The following TEX15 variants were observed in gnomAD, a reference collection of about 807,000 sequenced individuals.
TEX15 encodes the protein testis expressed 15, meiosis and synapsis associated, also known as testis-expressed protein 15.
TEX15 carries 171 observed loss-of-function variants against 237.3 expected under a neutral mutation model. That is an observed-to-expected ratio of 0.72 (90% CI 0.64 to 0.82). The LOEUF is 0.82. Among genes scored for constraint, TEX15 ranks in the 40% least tolerant of loss-of-function variants. TEX15 has a pLI of 0.00. For missense variants in TEX15, 3,750 were observed against 3,646.5 expected (o/e 1.03, Z -0.73); for synonymous variants, 1,338 against 1,269.8 (o/e 1.05, Z -1.14).
At chr8:30,876,512 T>A (rs2128773602) in intron 3 of TEX15, among the ~76,000 whole-genome samples, 1 of 152,314 alleles carries the variant, frequency 6.6e-6, no homozygotes, top group African/African-American at 2.4e-5. Flanking sequence ...TTTTCTATCT[T>A]TCCCAGAGTT....
intron 1 of TEX15, among the ~76,000 whole-genome samples, chr8:30,899,761 TC>T (rs373656534): frequency 1.7e-3 from 256 of 152,292 alleles, no homozygotes; most frequent in South Asian, 2.5e-3. Flanking sequence ...TGTATTTCTT[TC>T]TAGAGGCATT....
intron 1 of TEX15, among the ~76,000 whole-genome samples, chr8:30,901,654 T>G (rs1809008600): frequency 6.6e-6 from 1 of 152,122 alleles, no homozygotes; most frequent in African/African-American, 2.4e-5. Context: ...AAATTAAGCT[T>G]GAAATAAAAA....
chr8:30,869,538 A>T (rs1808246172), intron 4 of TEX15, among the ~76,000 whole-genome samples: 1 of 151,890 alleles, frequency 6.6e-6, no homozygotes, highest in African/African-American at 2.4e-5. Context: ...ACTCCCCCCA[A>T]ATTTGCACAT....
intron 1 of TEX15, among the ~76,000 whole-genome samples, chr8:30,902,531 A>G (rs534333338): frequency 2.4e-4 from 36 of 152,238 alleles, no homozygotes; most frequent in Non-Finnish European, 4.3e-4. Flanking sequence ...GTATCATTCA[A>G]TGTAGTACTA....
At chr8:30,858,519 C>T (rs1807963274) in intron 7 of TEX15, 149 bp downstream of exon 7, 2 of 589,246 alleles carry the variant, frequency 3.4e-6, no homozygotes, top group Admixed American at 3.8e-5. Context: ...GCTATGTTGG[C>T]CAGGTTGGCC....
Position 30,867,321 on chromosome 8 carries a change from C to T in TEX15, c.484G>A (p.Ala162Thr). Residue 162 changes from alanine (A) to threonine (T), a missense_variant, in exon 5 of 11, where the codon GCC (alanine) becomes ACC (threonine). Coordinates refer to ENST00000643185, the MANE Select transcript of TEX15 (RefSeq NM_001350162.2). Reference protein sequence around the residue: ...GIYMFRHVDIALNYSHSQSIT... With the variant: ...GIYMFRHVDITLNYSHSQSIT... Reference sequence around the variant, plus strand: ...CTTTGACTATGAGAATAATTCAAGGCAATATCAACATGTCTAAACATATAA... The same window carrying T: ...CTTTGACTATGAGAATAATTCAAGGTAATATCAACATGTCTAAACATATAA... 6.6e-7 allele frequency: 1 copy of T among 1,524,856 alleles called. No homozygotes were observed. The allele number at this position is 1,524,856 out of a possible 1,614,324, so 94.5% of individuals were successfully genotyped here.
rs777769994 is a variant in TEX15, at chr8:30,853,205, G to A, written c.851-3889C>T. Among the ~76,000 whole-genome samples the A allele has an allele frequency of 3.3e-5, 5 of 152,124 alleles. No individual in the cohort carries two copies. The South Asian group carries it at 6.2e-4, about 19-fold the overall frequency. On this transcript the variant is annotated intron_variant, in intron 7 of 10. Transcript: ENST00000643185. ...CTGTTGTCTCTAATATAAGCCTTCC[G>A]GCTGAGGGGAAATGTGGACAGAACA...
rs1012426887 is a variant in TEX15, at chr8:30,858,834, A to G, written c.688-4T>C. ...CACTGTATTCATAGAAGTACACCTG[A>G]AAGATGAAAACAGGTTCATGCTGAT... On this transcript the variant is annotated splice_polypyrimidine_tract_variant and splice_region_variant and intron_variant, in intron 6 of 10. Coordinates refer to ENST00000643185, the MANE Select transcript of TEX15 (RefSeq NM_001350162.2). 9.2e-6 allele frequency: 14 copies of G among 1,520,524 alleles called. No individual in the cohort carries two copies. Among genetic ancestry groups the G allele is most frequent in the African/African-American group, 1.4e-5 (1 of 71,974 alleles). The allele number at this position is 1,520,524 out of a possible 1,614,324, so 94.2% of individuals were successfully genotyped here. A position where few individuals can be genotyped will look rare whatever the true frequency, so the allele number is the denominator to read the frequency against.
rs1356726976 is a variant in TEX15, at chr8:30,837,502, T to C, written c.8782A>G (p.Ile2928Val). The change falls in exon 10 of 11, where the codon ATT (isoleucine) becomes GTT (valine). Residue 2928 changes from isoleucine to valine, a missense_variant. Transcript: ENST00000643185. ...GAAGTCATGCATGAGGAATTTTTAA[T>C]AGATGAATTTACTATATCATTATCT... ...LQDNDIVNSSIKNSSCMTSPE... is the reference protein window; with the variant it reads ...LQDNDIVNSSVKNSSCMTSPE... 3 of 1,613,072 alleles carry C rather than the reference T, an allele frequency of 1.9e-6. No homozygotes were observed. Among genetic ancestry groups the C allele is most frequent in the South Asian group, 1.1e-5 (1 of 91,070 alleles).
chr8:30,844,236 A>C lies in TEX15; in HGVS notation c.5931T>G (p.Pro1977=), dbSNP rs776506232. The part of the protein sequence containing the change: ...TCKVPTLLKK[P]ASYVSDFKEK... Reference sequence around the variant, plus strand: ...CTTTAAAATCACTCACGTATGACGCAGGTTTCTTCAGAAGAGTAGGGACTT... The same window carrying C: ...CTTTAAAATCACTCACGTATGACGCCGGTTTCTTCAGAAGAGTAGGGACTT... Residue 1977 remains proline (P), a synonymous_variant, in exon 8 of 11, where the codon CCT becomes CCG. Coordinates refer to ENST00000643185, the MANE Select transcript of TEX15 (RefSeq NM_001350162.2). The C allele has an allele frequency of 3.1e-6, 5 of 1,612,276 alleles. No individual in the cohort carries two copies. The highest frequency in any genetic ancestry group is 1.7e-5 in the Admixed American group (1 of 59,766).
chr8:30,863,708 C>T (rs1338343928), intron 5 of TEX15, among the ~76,000 whole-genome samples: 1 of 151,600 alleles, frequency 6.6e-6, no homozygotes, highest in East Asian at 1.9e-4. Flanking sequence ...ACTACAGATA[C>T]AGGAGAAATT....
chr8:30,839,793 GTT>G, intron 9 of TEX15, 111 bp downstream of exon 9: 2 of 597,254 alleles, frequency 3.3e-6, no homozygotes, highest in Middle Eastern at 3.1e-4. Flanking sequence ...CATCCCCTAA[GTT>G]ACATGTATGA....
At position 30,846,494 on chromosome 8, in the gene TEX15, T is replaced by C. The variant is rs937238587; in HGVS notation, c.3673A>G (p.Ile1225Val). The C allele has an allele frequency of 1.2e-6, 2 of 1,613,566 alleles. No homozygotes were observed. The highest frequency in any genetic ancestry group is 1.7e-6 in the Non-Finnish European group (2 of 1,179,742). Residue 1225 changes from isoleucine (I) to valine (V), a missense_variant, in exon 8 of 11, where the codon ATA (isoleucine) becomes GTA (valine). Ile to Val is a conservative substitution (Grantham distance 29). Transcript: ENST00000643185. ...DYPCEDKVDN[I>V]RQESGPVSNS... is the part of the protein sequence containing the mutation. ...CTCACTGGCCCTGATTCTTGCCTTATATTATCAACTTTATCTTCACATGGA... is the reference window on the plus strand; with the variant it reads ...CTCACTGGCCCTGATTCTTGCCTTACATTATCAACTTTATCTTCACATGGA...
In TEX15 at chr8:30,844,565, C is replaced by T; in HGVS notation, c.5602G>A (p.Val1868Ile). The stretch of plus-strand genomic sequence containing the variant: ...TTTTGATTTTTGTACTCAGTATTAA[C>T]AGTTGATCCTTCAGTCATGCTTCTT... ...YKRSMTEGST[V>I]NTEYKNQKNQ... The change falls in exon 8 of 11, where the codon GTT (valine) becomes ATT (isoleucine). Residue 1868 changes from valine to isoleucine, a missense_variant. Physicochemically the swap from Val to Ile is conservative, Grantham distance 29 (BLOSUM62 3). Transcript: ENST00000643185. The T allele has an allele frequency of 6.2e-7, 1 of 1,613,010 alleles. No individual in the cohort carries two copies. The highest frequency in any genetic ancestry group is 1.1e-5 in the South Asian group (1 of 90,978).
At chr8:30,858,326 T>G (rs74425645) in intron 7 of TEX15, among the ~76,000 whole-genome samples, 3 of 151,790 alleles carry the variant, frequency 2.0e-5, no homozygotes, top group Non-Finnish European at 4.4e-5. Context: ...TTTTTTTTTT[T>G]GTTTGTGACA....
chr8:30,865,133 A>C (rs1808133039), intron 5 of TEX15, among the ~76,000 whole-genome samples: 1 of 152,116 alleles, frequency 6.6e-6, no homozygotes, highest in South Asian at 2.1e-4. Context: ...AACTAAAAGG[A>C]AACATTATAA....
At chr8:30,870,611 A>C (rs1024450991) in intron 4 of TEX15, among the ~76,000 whole-genome samples, 7 of 152,038 alleles carry the variant, frequency 4.6e-5, no homozygotes, top group African/African-American at 1.7e-4. Context: ...TAACTTAATA[A>C]TTTTCAAATC....
intron 1 of TEX15, among the ~76,000 whole-genome samples, chr8:30,908,799 T>C (rs58335646): frequency 0.12 from 17,766 of 152,234 alleles, 1,721 homozygotes; most frequent in African/African-American, 0.27. Context: ...GATGAAGTCA[T>C]AGATCTTTTC....
chr8:30,854,465 A>T (rs574335329), intron 7 of TEX15, among the ~76,000 whole-genome samples: 1 of 152,232 alleles, frequency 6.6e-6, no homozygotes, highest in South Asian at 2.1e-4. Context: ...ATAAGAACAG[A>T]CCTAAAACAA....
Sources: allele counts gnomAD v4.1 joint callset (sites outside exome capture counted in the v4.1 genomes callset), GRCh38; gene constraint gnomAD v4.1.1; transcripts MANE v1.5; gene names NCBI Gene and HGNC (gene_info 2026-07-23, HGNC 2026-07-21).